The following EXOC2 variants were observed in gnomAD, a reference collection of about 807,000 sequenced individuals.
The protein encoded by EXOC2 is exocyst complex component 2, also known as SEC5-like 1.
In EXOC2, 70 loss-of-function variants were observed where a neutral mutation model predicts 131.8. The ratio of observed to expected loss-of-function variants is 0.53; its 90% confidence interval spans 0.44 to 0.65. The LOEUF (loss-of-function observed/expected upper bound fraction) is 0.65. Among genes scored for constraint, EXOC2 ranks in the 30% least tolerant of loss-of-function variants. The pLI is 0.00. For synonymous variants in EXOC2, 411 were observed against 398.4 expected (o/e 1.03, Z -0.38); for missense variants, 923 against 1,108.6 (o/e 0.83, Z 2.38).
chr6:656,198 C>A (rs1763072302), intron 1 of EXOC2: 26 of 1,614,128 alleles, frequency 1.6e-5, no homozygotes, highest in Non-Finnish European at 2.2e-5. Flanking sequence ...TGCACAGGGC[C>A]GTCGTAGGAT....
intron 1 of EXOC2, chr6:656,058 G>C (rs771085104): frequency 2.1e-6 from 3 of 1,400,614 alleles, no homozygotes; most frequent in African/African-American, 2.9e-5. Flanking sequence ...GTCTGTTTTA[G>C]TTTTGAAAAG....
At chr6:546,865 A>G (rs1756892366) in intron 22 of EXOC2, among the ~76,000 whole-genome samples, 1 of 152,194 alleles carries the variant, frequency 6.6e-6, no homozygotes, top group Non-Finnish European at 1.5e-5. Flanking sequence ...CAAAAGTTAC[A>G]CTTAGATTTT....
At chr6:568,867 G>A (rs1355994265) in intron 13 of EXOC2, among the ~76,000 whole-genome samples, 1 of 152,162 alleles carries the variant, frequency 6.6e-6, no homozygotes, top group Non-Finnish European at 1.5e-5. Context: ...CAACAATTTT[G>A]CCCAACAAAT....
chr6:634,267 T>A (rs1484966841), intron 2 of EXOC2, among the ~76,000 whole-genome samples: 3 of 152,136 alleles, frequency 2.0e-5, no homozygotes, highest in Non-Finnish European at 4.4e-5. Flanking sequence ...GTATTTTTTT[T>A]AGAGACACAG....
At chr6:533,616 A>T (rs1206756066) in intron 22 of EXOC2, among the ~76,000 whole-genome samples, 2 of 152,050 alleles carry the variant, frequency 1.3e-5, no homozygotes, top group Non-Finnish European at 2.9e-5. Context: ...TCCCGATGGG[A>T]GTGGGAGCAG....
intron 11 of EXOC2, among the ~76,000 whole-genome samples, chr6:585,123 A>G (rs950929276): frequency 6.6e-6 from 1 of 152,250 alleles, no homozygotes; most frequent in Non-Finnish European, 1.5e-5. Context: ...GCTGCTTTGA[A>G]CATAGGGGAA....
chr6:613,224 A>G (rs935272085), intron 6 of EXOC2, among the ~76,000 whole-genome samples: 1 of 152,156 alleles, frequency 6.6e-6, no homozygotes, highest in African/African-American at 2.4e-5. Flanking sequence ...CAAGGTTGCT[A>G]TTGGCAGGTG....
intron 1 of EXOC2, among the ~76,000 whole-genome samples, chr6:688,051 C>T (rs567954384): frequency 6.6e-6 from 1 of 152,284 alleles, no homozygotes; most frequent in South Asian, 2.1e-4. Context: ...AGCATAAATA[C>T]AACCTCTTCC....
intron 10 of EXOC2, among the ~76,000 whole-genome samples, chr6:595,939 T>A (rs766441843): frequency 2.6e-5 from 4 of 152,126 alleles, no homozygotes; most frequent in Non-Finnish European, 5.9e-5. Flanking sequence ...ATCCCCTATA[T>A]ACATTCTTTC....
intron 9 of EXOC2, among the ~76,000 whole-genome samples, chr6:598,400 C>T (rs1476674216): frequency 6.6e-6 from 1 of 152,158 alleles, no homozygotes; most frequent in Non-Finnish European, 1.5e-5. Flanking sequence ...TTACAGATTT[C>T]ATTTTTAAAT....
rs1402856615 is a variant in EXOC2 at position 555,247 on chromosome 6, A to T, written c.2034T>A (p.Asp678Glu). 1 of 1,523,782 alleles carries T rather than the reference A, an allele frequency of 6.6e-7. No homozygotes were observed. The highest frequency in any genetic ancestry group is 8.9e-7 in the Non-Finnish European group (1 of 1,121,756). The allele number at this position is 1,523,782 out of a possible 1,614,324, so 94.4% of individuals were successfully genotyped here. ...CTTACTGTGTAGTATCTATATCTGC[A>T]TCAGGCTTGGTGCTCAACTGTTCCA... ...YCLEQLSTKPDADIDTTHLSV... is the reference protein window; with the variant it reads ...YCLEQLSTKPEADIDTTHLSV... Residue 678 changes from aspartate to glutamate, a missense_variant, in exon 20 of 28, where the codon GAT (aspartate) becomes GAA (glutamate). Asp to Glu is a conservative substitution (Grantham distance 45). Coordinates refer to ENST00000230449, the MANE Select transcript of EXOC2 (RefSeq NM_018303.6).
At chr6:590,281 C>A (rs1759468299) in intron 11 of EXOC2, among the ~76,000 whole-genome samples, 1 of 152,148 alleles carries the variant, frequency 6.6e-6, no homozygotes, top group Admixed American at 6.5e-5. Flanking sequence ...CATTTGCTGT[C>A]ATTTTCACTT....
At chr6:510,932 G>C (rs1285808778) in intron 23 of EXOC2, among the ~76,000 whole-genome samples, 1 of 152,194 alleles carries the variant, frequency 6.6e-6, no homozygotes, top group Non-Finnish European at 1.5e-5. Context: ...TGCACTGTGA[G>C]GTGTTACTTC....
At chr6:655,383 G>A (rs1053760558) in intron 1 of EXOC2, among the ~76,000 whole-genome samples, 39 of 152,184 alleles carry the variant, frequency 2.6e-4, no homozygotes, top group African/African-American at 8.7e-4. Context: ...ACAGTATAAT[G>A]CAAACATAAC....
At chr6:631,007 G>A (rs1761817496) in intron 3 of EXOC2, among the ~76,000 whole-genome samples, 1 of 152,196 alleles carries the variant, frequency 6.6e-6, no homozygotes. Context: ...TTACCAGCTA[G>A]GCCTCCAAGG....
At chr6:549,670 G>T (rs1490283619) in intron 21 of EXOC2, among the ~76,000 whole-genome samples, 1 of 152,128 alleles carries the variant, frequency 6.6e-6, no homozygotes, top group Non-Finnish European at 1.5e-5. Context: ...AAAGGCTACA[G>T]GAATATTTTT....
At chr6:645,137 T>C (rs1161396925) in intron 1 of EXOC2, among the ~76,000 whole-genome samples, 2 of 151,068 alleles carry the variant, frequency 1.3e-5, no homozygotes, top group Non-Finnish European at 2.9e-5. Context: ...TAGACTAGAA[T>C]CCAGAAACAA....
intron 1 of EXOC2, among the ~76,000 whole-genome samples, chr6:658,443 T>TG (rs1763238762): frequency 1.3e-5 from 2 of 151,956 alleles, no homozygotes; most frequent in Non-Finnish European, 1.5e-5. Context: ...AGTACATACT[T>TG]AGACTTCTTT....
At chr6:570,299 AATT>A (rs1395598952) in intron 13 of EXOC2, among the ~76,000 whole-genome samples, 1 of 151,822 alleles carries the variant, frequency 6.6e-6, no homozygotes, top group African/African-American at 2.4e-5. Context: ...ACGCCTGGCT[AATT>A]TTTTGTATTT....
Sources: allele counts gnomAD v4.1 joint callset (sites outside exome capture counted in the v4.1 genomes callset), GRCh38; gene constraint gnomAD v4.1.1; transcripts MANE v1.5; gene names NCBI Gene and HGNC (gene_info 2026-07-23, HGNC 2026-07-21).